The following CD300A variants were observed in gnomAD, a reference collection of about 807,000 sequenced individuals.
The protein encoded by CD300A is CD300a molecule.
CD300A carries 22 observed loss-of-function variants against 33.6 expected under a neutral mutation model. The ratio of observed to expected loss-of-function variants is 0.66; its 90% CI spans 0.47 to 0.94. The LOEUF (loss-of-function observed/expected upper bound fraction) is 0.94, where lower values mean the gene tolerates loss of function less well. Ranked by LOEUF, CD300A falls within the 40% of genes least tolerant of loss-of-function variation. The probability of loss-of-function intolerance (pLI) is 0.00; values close to 1 mark genes in which losing one functional copy is unlikely to be tolerated. For missense variants in CD300A, 326 were observed against 360.5 expected (o/e 0.90, Z 0.77); for synonymous variants, 136 against 148.1 (o/e 0.92, Z 0.59).
intron 1 of CD300A, among the ~76,000 whole-genome samples, chr17:74,467,272 T>G (rs1464860107): frequency 1.3e-5 from 2 of 151,668 alleles, no homozygotes; most frequent in Non-Finnish European, 2.9e-5. Context: ...ATCGATAGTC[T>G]CTGGAATGCG....
At chr17:74,471,854 G>T (rs550809157) in intron 1 of CD300A, among the ~76,000 whole-genome samples, 3 of 152,230 alleles carry the variant, frequency 2.0e-5, no homozygotes, top group Non-Finnish European at 4.4e-5. Context: ...GCCTACAGGT[G>T]CAAGGCACCT....
chr17:74,483,721 C>T (rs1907070172), intron 6 of CD300A, among the ~76,000 whole-genome samples: 2 of 152,150 alleles, frequency 1.3e-5, no homozygotes, highest in Admixed American at 1.3e-4. Context: ...GTCTCAGGGC[C>T]TCAGTTTCTT....
intron 1 of CD300A, 79 bp downstream of exon 1, chr17:74,466,822 C>G: frequency 2.6e-6 from 4 of 1,548,808 alleles, no homozygotes; most frequent in South Asian, 1.2e-5. Context: ...AGGTATCACA[C>G]GAGACGCCCC....
At chr17:74,474,746 C>T (rs192019319) in intron 3 of CD300A, 61 bp downstream of exon 3, 52 of 1,569,872 alleles carry the variant, frequency 3.3e-5, no homozygotes, top group South Asian at 2.1e-4. Context: ...GAGCCCAGGG[C>T]GGGGACCTTG....
chr17:74,467,232 T>G (rs1263573622), intron 1 of CD300A, among the ~76,000 whole-genome samples: 26 of 41,148 alleles, frequency 6.3e-4, no homozygotes, highest in South Asian at 1.9e-3. Context: ...GGTGGGGCGG[T>G]GAGGGAGATA....
At chr17:74,469,236 A>G (rs1905930014) in intron 1 of CD300A, among the ~76,000 whole-genome samples, 1 of 152,168 alleles carries the variant, frequency 6.6e-6, no homozygotes, top group Admixed American at 6.5e-5. Flanking sequence ...CATTAAAAAA[A>G]ATCTAGCTGG....
intron 6 of CD300A, among the ~76,000 whole-genome samples, chr17:74,482,732 T>TCCTTCCTTCCTTCCTTCC (rs1555639394): frequency 6.8e-5 from 9 of 133,026 alleles, no homozygotes; most frequent in African/African-American, 2.3e-4. Flanking sequence ...CTTTCTTTCT[T>TCCTTCCTTCCTTCCTTCC]TGGAATCTCG....
chr17:74,471,697 T>G (rs994529296), intron 1 of CD300A, among the ~76,000 whole-genome samples: 30 of 152,282 alleles, frequency 2.0e-4, no homozygotes, highest in Admixed American at 4.6e-4. Flanking sequence ...AAAGGCCTTC[T>G]CTGCAGGGGG....
intron 1 of CD300A, among the ~76,000 whole-genome samples, chr17:74,471,579 C>T (rs923643108): frequency 3.3e-5 from 5 of 152,138 alleles, no homozygotes; most frequent in African/African-American, 7.2e-5. Flanking sequence ...ACAGCTGATA[C>T]GTAATAGGGT....
intron 6 of CD300A, among the ~76,000 whole-genome samples, chr17:74,482,825 C>T (rs575805321): frequency 6.6e-6 from 1 of 150,896 alleles, no homozygotes; most frequent in East Asian, 1.9e-4. Context: ...ATTCTCCTGC[C>T]TCAGCCTCCA....
intron 4 of CD300A, among the ~76,000 whole-genome samples, chr17:74,477,896 A>C (rs907892915): frequency 8.5e-5 from 13 of 152,114 alleles, no homozygotes; most frequent in African/African-American, 3.1e-4. Flanking sequence ...TGATCCCAGG[A>C]ATTCAAGACC....
At chr17:74,468,125 C>T (rs908543459) in intron 1 of CD300A, among the ~76,000 whole-genome samples, 43 of 152,124 alleles carry the variant, frequency 2.8e-4, no homozygotes, top group African/African-American at 8.9e-4. Context: ...ACCTACGCCT[C>T]CCAGGTTCAA....
Position 74,473,788 on chromosome 17 carries a change from C to G in CD300A, c.293C>G (p.Ala98Gly), listed in dbSNP as rs766059538. 8 of 1,614,118 alleles carry G rather than the reference C, an allele frequency of 5.0e-6. No individual in the cohort carries two copies. The Admixed American group carries it at 1.0e-4, about 20-fold the overall frequency. The change falls in exon 2 of 7, where the codon GCA becomes GGA. Residue 98 changes from alanine to glycine, a missense_variant. By Grantham distance (60) the Ala-to-Gly change is moderately conservative. Transcript: ENST00000360141. ...CTGGAGAATCTCACAGAGGAGGATG[C>G]AGGCACCTACTGGTGTGGGGTGGAT... is the stretch of plus-strand genomic sequence containing the variant. ...VTLENLTEEDAGTYWCGVDTP... is the reference protein window; with the variant it reads ...VTLENLTEEDGGTYWCGVDTP...
intron 1 of CD300A, 52 bp from the exon 2 acceptor site, chr17:74,473,484 C>G: frequency 1.3e-6 from 2 of 1,558,776 alleles, no homozygotes; most frequent in South Asian, 2.4e-5. Context: ...CCAGGGCACC[C>G]CTGACCAGGC....
intron 3 of CD300A, 73 bp from the exon 4 acceptor site, chr17:74,477,356 TAAAAATA>T (rs1170370732): frequency 4.2e-6 from 4 of 962,682 alleles, no homozygotes; most frequent in South Asian, 1.6e-5. Context: ...TCTCAAAAAA[TAAAAATA>T]AAAAATAAAA....
chr17:74,470,357 C>A (rs1206577566), intron 1 of CD300A: 3 of 483,668 alleles, frequency 6.2e-6, no homozygotes, highest in Non-Finnish European at 8.1e-6. Flanking sequence ...AGTTTTTTAT[C>A]CAAGATTTCA....
At position 74,466,682 on chromosome 17, in the gene CD300A, C is replaced by T. The variant is rs776934155; in HGVS notation, c.-22C>T. ...TAGGGCCTGGAGCTGCTGCAAGTGCCGCCTGTGCTGGGGAAGGGACCATGT... is the reference window on the plus strand; with the variant it reads ...TAGGGCCTGGAGCTGCTGCAAGTGCTGCCTGTGCTGGGGAAGGGACCATGT... On this transcript the variant is annotated 5_prime_UTR_variant, in exon 1 of 7. Coordinates refer to ENST00000360141, the MANE Select transcript of CD300A (RefSeq NM_007261.4). The T allele has an allele frequency of 2.5e-6, 4 of 1,589,402 alleles. No individual in the cohort carries two copies. The highest frequency in any genetic ancestry group is 3.6e-5 in the Admixed American group (2 of 56,210).
In CD300A at chr17:74,481,850, G is replaced by A. The variant is rs764649942; in HGVS notation, c.774+17G>A. On this transcript the variant is annotated intron_variant, in intron 6 of 6. Transcript: ENST00000360141. ...AGCACTGTGGTAAGTGCAGGAGCCC[G>A]GCTTTTGGGCATGCGGCCCCTGGGC... The A allele has an allele frequency of 6.2e-5, 98 of 1,584,512 alleles. No homozygotes were observed. The East Asian group carries it at 2.0e-3, about 32-fold the overall frequency.
chr17:74,482,732 T>TCCTTTCC (rs1555639394), intron 6 of CD300A, among the ~76,000 whole-genome samples: 1 of 133,040 alleles, frequency 7.5e-6, no homozygotes, highest in African/African-American at 3.8e-5. Context: ...CTTTCTTTCT[T>TCCTTTCC]TGGAATCTCG....
Sources: allele counts gnomAD v4.1 joint callset (sites outside exome capture counted in the v4.1 genomes callset), GRCh38; gene constraint gnomAD v4.1.1; transcripts MANE v1.5; gene names NCBI Gene and HGNC (gene_info 2026-07-23, HGNC 2026-07-21).